BCL2L14: variants seen among roughly 807,000 people sequenced by gnomAD.
BCL2L14 encodes the protein BCL2 like 14.
In BCL2L14, 27 loss-of-function variants were observed where a neutral mutation model predicts 35.3. The ratio of observed to expected loss-of-function variants is 0.76; its 90% CI spans 0.56 to 1.05. The LOEUF (loss-of-function observed/expected upper bound fraction) is 1.05. Among genes scored for constraint, BCL2L14 ranks in the 50% least tolerant of loss-of-function variants. The pLI is 0.00. For missense variants in BCL2L14, 377 were observed against 382.6 expected (o/e 0.99, Z 0.12); for synonymous variants, 139 against 145.9 (o/e 0.95, Z 0.34).
intron 5 of BCL2L14, chr12:12,095,228 G>A (rs940677698): frequency 1.0e-5 from 10 of 985,226 alleles, no homozygotes; most frequent in African/African-American, 1.7e-5. Context: ...TTAGATAGAC[G>A]TAATTTCTGT....
intron 3 of BCL2L14, among the ~76,000 whole-genome samples, chr12:12,088,247 G>C (rs1160299361): frequency 1.3e-5 from 2 of 152,204 alleles, no homozygotes; most frequent in African/African-American, 4.8e-5. Context: ...GCCTGCGACA[G>C]AGTGCACCGG....
intron 2 of BCL2L14, 98 bp downstream of exon 2, chr12:12,079,836 A>T: frequency 8.1e-7 from 1 of 1,240,500 alleles, no homozygotes; most frequent in Non-Finnish European, 1.1e-6. Flanking sequence ...GTGGCTTTAG[A>T]GAAGGCATGC....
chr12:12,060,832 T>C (rs1268849319), intron 2 of BCL2L14, among the ~76,000 whole-genome samples: 1 of 130,198 alleles, frequency 7.7e-6, no homozygotes, highest in Non-Finnish European at 1.6e-5. Context: ...TCTGACTGAC[T>C]CCTTCTCAGC....
At chr12:12,068,739 AC>A (rs1311412021), upstream of BCL2L14, among the ~76,000 whole-genome samples, 1 of 152,220 alleles carries the variant, frequency 6.6e-6, no homozygotes, top group African/African-American at 2.4e-5. Flanking sequence ...CTGGGAGGCC[AC>A]ATGGGTTCTT....
At chr12:12,064,821 C>T (rs574304669) in intron 2 of BCL2L14, among the ~76,000 whole-genome samples, 2 of 152,304 alleles carry the variant, frequency 1.3e-5, no homozygotes, top group African/African-American at 4.8e-5. Flanking sequence ...AGGAGTCTTC[C>T]ATGGAAGTCA....
At chr12:12,096,384 T>TA (rs1949311743) in intron 5 of BCL2L14, among the ~76,000 whole-genome samples, 1 of 142,858 alleles carries the variant, frequency 7.0e-6, no homozygotes, top group Non-Finnish European at 1.5e-5. Context: ...AAAGAATAGA[T>TA]ACATTGGATT....
At chr12:12,085,207 G>A (rs1211579999) in intron 2 of BCL2L14, among the ~76,000 whole-genome samples, 1 of 152,172 alleles carries the variant, frequency 6.6e-6, no homozygotes, top group African/African-American at 2.4e-5. Flanking sequence ...AGAGCCTTTG[G>A]GACCCTTCAT....
chr12:12,079,593 C>A lies in BCL2L14; in HGVS notation c.288C>A (p.Phe96Leu), dbSNP rs769411365. The A allele has an allele frequency of 8.7e-6, 14 of 1,614,108 alleles. No homozygotes were observed. In the South Asian group the frequency reaches 1.5e-4, roughly 18 times the overall value. ...AGAAAAAGTCTTCTTGGAAAGCATT[C>A]TTTGGAGTAGTGGAGAAGGAAGATT... ...LGKKKSSWKA[F>L]FGVVEKEDSQ... The change falls in exon 2 of 6, where the codon TTC (phenylalanine) becomes TTA (leucine). Residue 96 changes from phenylalanine to leucine, a missense_variant. Phe to Leu is a conservative substitution (Grantham distance 22, BLOSUM62 0). Coordinates refer to ENST00000308721, the MANE Select transcript of BCL2L14 (RefSeq NM_138723.2).
chr12:12,087,220 C>A lies in BCL2L14; in HGVS notation c.441C>A (p.Asp147Glu), dbSNP rs1949064532. The change falls in exon 3 of 6, where the codon GAC becomes GAA. Residue 147 changes from aspartate to glutamate, a missense_variant. Physicochemically the swap from Asp to Glu is conservative, Grantham distance 45. Coordinates refer to ENST00000308721, the MANE Select transcript of BCL2L14 (RefSeq NM_138723.2). ...CATTTTGTCTTGTTTCAGCTGTGGACCCCAAAGTCATTTCCATTGCCAACC... is the reference window on the plus strand; with the variant it reads ...CATTTTGTCTTGTTTCAGCTGTGGAACCCAAAGTCATTTCCATTGCCAACC... ...VEQCLEHEAV[D>E]PKVISIANRV... 1 of 1,613,990 alleles carries A rather than the reference C, an allele frequency of 6.2e-7. No individual in the cohort carries two copies. The highest frequency in any genetic ancestry group is 1.3e-5 in the African/African-American group (1 of 74,920).
intron 2 of BCL2L14, among the ~76,000 whole-genome samples, chr12:12,052,512 G>A (rs1469247377): frequency 6.6e-6 from 1 of 152,160 alleles, no homozygotes; most frequent in Non-Finnish European, 1.5e-5. Context: ...TTAGCGTAGT[G>A]TCCTCCAGAT....
At chr12:12,061,020 A>C in intron 2 of BCL2L14, among the ~76,000 whole-genome samples, 1 of 102,542 alleles carries the variant, frequency 9.8e-6, no homozygotes, top group African/African-American at 3.9e-5. Flanking sequence ...TGCCTCCATA[A>C]CTGTTGTGGG....
At chr12:12,059,604 G>A (rs1181571892) in intron 2 of BCL2L14, among the ~76,000 whole-genome samples, 3 of 150,580 alleles carry the variant, frequency 2.0e-5, no homozygotes, top group Non-Finnish European at 4.4e-5. Context: ...TTTCTGGAGG[G>A]CAAGAACCCC....
At chr12:12,088,256 G>A (rs968617611) in intron 3 of BCL2L14, among the ~76,000 whole-genome samples, 2 of 152,132 alleles carry the variant, frequency 1.3e-5, no homozygotes, top group African/African-American at 2.4e-5. Context: ...AGAGTGCACC[G>A]GATTTTATAG....
chr12:12,079,827 T>C, intron 2 of BCL2L14, 89 bp downstream of exon 2: 1 of 1,370,510 alleles, frequency 7.3e-7, no homozygotes, highest in Non-Finnish European at 1.0e-6. Flanking sequence ...TGTTGTAAAG[T>C]GGCTTTAGAG....
At chr12:12,052,711 G>A (rs1203995615) in intron 2 of BCL2L14, among the ~76,000 whole-genome samples, 1 of 152,184 alleles carries the variant, frequency 6.6e-6, no homozygotes, top group African/African-American at 2.4e-5. Flanking sequence ...TCAACATACT[G>A]ATTTCAATGC....
intron 2 of BCL2L14, among the ~76,000 whole-genome samples, chr12:12,085,834 T>C (rs1046018306): frequency 6.6e-6 from 1 of 152,144 alleles, no homozygotes; most frequent in Non-Finnish European, 1.5e-5. Context: ...CTCTCTTACC[T>C]CCAGTGCTGT....
rs4763776 is a variant in BCL2L14, at chr12:12,078,335, G to T, written c.-7-964G>T. On this transcript the variant is annotated intron_variant, in intron 1 of 5. Coordinates refer to ENST00000308721, the MANE Select transcript of BCL2L14 (RefSeq NM_138723.2). ...GGAGAAGGAACCGAGGAAGGGAAGG[G>T]TCAGGTCCCAGGCATTTCTCTTCCC... Among the ~76,000 whole-genome samples, 1,128 of 152,142 alleles carry T rather than the reference G, an allele frequency of 7.4e-3. 4 individuals are homozygous for T. The highest frequency in any genetic ancestry group is 0.025 in the African/African-American group (1,056 of 41,480).
chr12:12,054,205 T>C (rs1941834127), intron 2 of BCL2L14, among the ~76,000 whole-genome samples: 1 of 152,074 alleles, frequency 6.6e-6, no homozygotes. Context: ...AGAAGCTTGC[T>C]CAAAATCCAA....
chr12:12,077,537 CAAAAA>C (rs58644458), intron 1 of BCL2L14, among the ~76,000 whole-genome samples: 1 of 113,130 alleles, frequency 8.8e-6, no homozygotes, highest in African/African-American at 3.5e-5. Context: ...AACTGAGTCT[CAAAAA>C]AAAAAAAAAA....
Sources: allele counts gnomAD v4.1 joint callset (sites outside exome capture counted in the v4.1 genomes callset), GRCh38; gene constraint gnomAD v4.1.1; transcripts MANE v1.5; gene names NCBI Gene and HGNC (gene_info 2026-07-23, HGNC 2026-07-21).